LRRTM4: variants seen among roughly 807,000 people sequenced by gnomAD.
LRRTM4 encodes the protein leucine-rich repeat transmembrane neuronal protein 4.
Under a neutral mutation model 47.6 loss-of-function variants are expected in LRRTM4, and 25 were observed. The observed-to-expected ratio is 0.53, with a 90% CI of 0.38 to 0.73. The LOEUF (loss-of-function observed/expected upper bound fraction) is 0.73. Ranked by LOEUF, LRRTM4 falls within the 30% of genes least tolerant of loss-of-function variation. LRRTM4 has a pLI of 0.00. For missense variants in LRRTM4, 638 were observed against 713.4 expected (o/e 0.89, Z 1.20); for synonymous variants, 311 against 269.5 (o/e 1.15, Z -1.51).
chr2:76,994,676 A>G (rs1480776138), intron 3 of LRRTM4, among the ~76,000 whole-genome samples: 1 of 152,016 alleles, frequency 6.6e-6, no homozygotes, highest in East Asian at 1.9e-4. Flanking sequence ...AGAAATATCA[A>G]AATTAACAGA....
chr2:77,181,061 G>T (rs13430775), intron 3 of LRRTM4, among the ~76,000 whole-genome samples: 7 of 151,946 alleles, frequency 4.6e-5, no homozygotes, highest in African/African-American at 1.7e-4. Flanking sequence ...ACTTACAAAT[G>T]ACTTTACCAA....
intron 3 of LRRTM4, among the ~76,000 whole-genome samples, chr2:76,781,772 T>C (rs1243515004): frequency 2.6e-5 from 4 of 152,218 alleles, no homozygotes; most frequent in African/African-American, 9.6e-5. Context: ...ATTTCTCTTA[T>C]TGATAAATTT....
chr2:77,367,847 T>C (rs1466387361), intron 3 of LRRTM4, among the ~76,000 whole-genome samples: 1 of 151,874 alleles, frequency 6.6e-6, no homozygotes, highest in East Asian at 1.9e-4. Flanking sequence ...ATTCCATTTG[T>C]TGATTACAAG....
intron 3 of LRRTM4, among the ~76,000 whole-genome samples, chr2:76,901,563 A>G (rs1416503747): frequency 6.6e-6 from 1 of 152,046 alleles, no homozygotes; most frequent in Non-Finnish European, 1.5e-5. Context: ...AAAACCTCTT[A>G]GTACTTTTAA....
At position 76,951,723 on chromosome 2, in the gene LRRTM4, T is replaced by C. The variant is rs545149023; in HGVS notation, c.1552-202807A>G. ...GTGGTTTGCTGCACCTATCAACCCA[T>C]CATCTAGTTTTAAGCCCCGCATGCA... is the stretch of plus-strand genomic sequence containing the variant. On this transcript the variant is annotated intron_variant, in intron 3 of 3. Coordinates refer to ENST00000409884, the MANE Select transcript of LRRTM4 (RefSeq NM_001134745.3). 2.5e-3 allele frequency among the ~76,000 whole-genome samples: 384 copies of C among 152,044 alleles called. 2 individuals carry two copies. The highest frequency in any genetic ancestry group is 8.9e-3 in the African/African-American group (371 of 41,492).
At chr2:77,247,799 C>G (rs1675488629) in intron 3 of LRRTM4, among the ~76,000 whole-genome samples, 1 of 151,876 alleles carries the variant, frequency 6.6e-6, no homozygotes, top group Admixed American at 6.6e-5. Flanking sequence ...AAAGAAGTTT[C>G]ACATAAAAAT....
chr2:77,481,880 CT>C lies in LRRTM4; in HGVS notation c.1551+36437del, dbSNP rs57122011. 2.4e-3 allele frequency among the ~76,000 whole-genome samples: 352 copies of C among 144,198 alleles called. 3 individuals carry two copies. The highest frequency in any genetic ancestry group is 3.6e-3 in the Middle Eastern group (1 of 280). 94.6% of individuals were successfully genotyped at this position (144,198 alleles called of 152,430 possible). Reference sequence around the variant, plus strand: ...AAGAGAGTGAAGGGTTTTTTTTTTTCTTTTTTTTTTTTTAAAACTTCTAGTT... The same window carrying C: ...AAGAGAGTGAAGGGTTTTTTTTTTTCTTTTTTTTTTTTAAAACTTCTAGTT... On this transcript the variant is annotated intron_variant, in intron 3 of 3. Transcript: ENST00000409884.
chr2:77,403,970 T>A (rs906147641), intron 3 of LRRTM4, among the ~76,000 whole-genome samples: 1 of 151,778 alleles, frequency 6.6e-6, no homozygotes, highest in South Asian at 2.1e-4. Context: ...TAAAGAATCA[T>A]TTAAAAATTT....
intron 3 of LRRTM4, among the ~76,000 whole-genome samples, chr2:77,262,886 C>A (rs1056535991): frequency 6.6e-6 from 1 of 151,956 alleles, no homozygotes; most frequent in African/African-American, 2.4e-5. Context: ...AAGGGAAGGT[C>A]TTTTGTTATT....
chr2:77,130,822 CTATTTTTTT>C (rs1671777002), intron 3 of LRRTM4, among the ~76,000 whole-genome samples: 6 of 52,032 alleles, frequency 1.2e-4, no homozygotes, highest in Non-Finnish European at 2.1e-4. Flanking sequence ...ATTATTTGTT[CTATTTTTTT>C]TTTTTTTTTT....
chr2:77,437,941 A>G (rs1675668146), intron 3 of LRRTM4, among the ~76,000 whole-genome samples: 1 of 152,144 alleles, frequency 6.6e-6, no homozygotes, highest in Non-Finnish European at 1.5e-5. Context: ...TTCTATACCT[A>G]TCTATCACAA....
intron 3 of LRRTM4, among the ~76,000 whole-genome samples, chr2:77,060,953 AAAC>A (rs1425084286): frequency 1.3e-5 from 2 of 152,184 alleles, no homozygotes; most frequent in African/African-American, 4.8e-5. Context: ...TACAGAATAA[AAAC>A]AATAGCAAAT....
chr2:76,784,880 T>C (rs901439425), intron 3 of LRRTM4, among the ~76,000 whole-genome samples: 1 of 152,258 alleles, frequency 6.6e-6, no homozygotes, highest in South Asian at 2.1e-4. Context: ...AATGCTTTGA[T>C]CATAGAAGCA....
At chr2:77,122,671 C>T (rs867712890) in intron 3 of LRRTM4, among the ~76,000 whole-genome samples, 35 of 151,760 alleles carry the variant, frequency 2.3e-4, no homozygotes, top group African/African-American at 7.5e-4. Context: ...TATTCTAAAG[C>T]TCTGCTATTC....
intron 3 of LRRTM4, among the ~76,000 whole-genome samples, chr2:77,451,189 C>T (rs546080493): frequency 1.0e-3 from 157 of 152,236 alleles, no homozygotes; most frequent in Admixed American, 2.3e-3. Flanking sequence ...ATCCCAATCT[C>T]GCTAATAAAT....
intron 3 of LRRTM4, among the ~76,000 whole-genome samples, chr2:77,063,523 A>G (rs144497581): frequency 8.5e-5 from 13 of 152,266 alleles, no homozygotes; most frequent in African/African-American, 2.6e-4. Flanking sequence ...TTTTAATGAT[A>G]TCAATTGTTC....
At chr2:76,779,186 T>C (rs1381390279) in intron 3 of LRRTM4, among the ~76,000 whole-genome samples, 1 of 152,094 alleles carries the variant, frequency 6.6e-6, no homozygotes, top group Non-Finnish European at 1.5e-5. Context: ...TCCAAGTATG[T>C]GGTCATGTTT....
intron 3 of LRRTM4, among the ~76,000 whole-genome samples, chr2:77,501,142 A>C (rs967801739): frequency 6.6e-6 from 1 of 150,516 alleles, no homozygotes; most frequent in African/African-American, 2.4e-5. Context: ...ATATATGTAT[A>C]TATATCATTT....
Position 77,321,561 on chromosome 2 carries a change from G to C in LRRTM4, c.1551+196757C>G, listed in dbSNP as rs1009826154. ...GTTGGCTAAATCGGGGAGGGGGGGGGGTGTGTGAAAGAAAAGAAAAGAAAA... is the reference window on the plus strand; with the variant it reads ...GTTGGCTAAATCGGGGAGGGGGGGGCGTGTGTGAAAGAAAAGAAAAGAAAA... On this transcript the variant is annotated intron_variant, in intron 3 of 3. Coordinates refer to ENST00000409884, the MANE Select transcript of LRRTM4 (RefSeq NM_001134745.3). Among the ~76,000 whole-genome samples the C allele has an allele frequency of 9.2e-5, 9 of 98,028 alleles. No individual in the cohort carries two copies. In the East Asian group the frequency reaches 1.4e-3, roughly 15 times the overall value. 64.3% of individuals were successfully genotyped at this position (98,028 alleles called of 152,430 possible).
Sources: gnomAD v4.1 joint callset for allele counts (sites outside exome capture counted in the v4.1 genomes callset) on GRCh38, gnomAD v4.1.1 for gene constraint, MANE v1.5 for transcripts, NCBI Gene and HGNC (gene_info 2026-07-23, HGNC 2026-07-21) for gene names.